The following KCNQ3 variants were observed in gnomAD, a reference collection of about 807,000 sequenced individuals.
KCNQ3 encodes the protein potassium voltage-gated channel subfamily Q member 3, also known as potassium voltage-gated channel subfamily KQT member 3.
KCNQ3 carries 30 observed loss-of-function variants against 92.5 expected under a neutral mutation model. That is an observed-to-expected ratio of 0.32 (90% CI 0.24 to 0.44). KCNQ3 has a LOEUF of 0.44. Ranked by LOEUF, KCNQ3 falls within the 20% of genes least tolerant of loss-of-function variation. The pLI, the probability that KCNQ3 is intolerant of heterozygous loss-of-function variation, is 1.00. For missense variants in KCNQ3, 913 were observed against 1,140.3 expected, an observed-to-expected ratio of 0.80 and a Z score of 2.87; for synonymous variants, 450 against 468.8, an observed-to-expected ratio of 0.96 and a Z score of 0.52.
intron 1 of KCNQ3, among the ~76,000 whole-genome samples, chr8:132,275,043 T>G (rs949583917): frequency 6.6e-6 from 1 of 152,036 alleles, no homozygotes; most frequent in Non-Finnish European, 1.5e-5. Flanking sequence ...AGTGAAAAAG[T>G]GGGAGGGGCG....
intron 1 of KCNQ3, among the ~76,000 whole-genome samples, chr8:132,224,053 C>G (rs1364037522): frequency 2.1e-5 from 3 of 143,464 alleles, no homozygotes; most frequent in Admixed American, 7.1e-5. Flanking sequence ...GTAGCTGAGA[C>G]TACAGACACA....
At chr8:132,230,449 CAGAGAGAGAGAGAGAG>C (rs5895132) in intron 1 of KCNQ3, among the ~76,000 whole-genome samples, 7 of 142,362 alleles carry the variant, frequency 4.9e-5, no homozygotes, top group African/African-American at 7.7e-5. Flanking sequence ...GAGAGAGAGA[CAGAGAGAGAGAGAGAG>C]AGAGAGAGAG....
intron 1 of KCNQ3, among the ~76,000 whole-genome samples, chr8:132,456,499 G>A (rs1346046735): frequency 6.6e-6 from 1 of 151,308 alleles, no homozygotes; most frequent in African/African-American, 2.4e-5. Context: ...TTTGTGTTTA[G>A]GTAATTTATT....
intron 1 of KCNQ3, among the ~76,000 whole-genome samples, chr8:132,388,154 C>CT (rs899204173): frequency 6.6e-6 from 1 of 152,000 alleles, no homozygotes; most frequent in Non-Finnish European, 1.5e-5. Context: ...TGTGATATGA[C>CT]TTTTTTTTCC....
chr8:132,186,009 G>T, intron 2 of KCNQ3, 82 bp downstream of exon 2: 1 of 980,760 alleles, frequency 1.0e-6, no homozygotes, highest in Non-Finnish European at 1.6e-6. Flanking sequence ...AACCAGTCAG[G>T]GAGGAGTGCA....
At chr8:132,332,838 C>A (rs1229962177) in intron 1 of KCNQ3, among the ~76,000 whole-genome samples, 2 of 152,230 alleles carry the variant, frequency 1.3e-5, no homozygotes, top group African/African-American at 4.8e-5. Flanking sequence ...CTGGACACCT[C>A]CCTGGTGCAG....
At chr8:132,463,642 C>G (rs757769626) in intron 1 of KCNQ3, among the ~76,000 whole-genome samples, 8 of 152,164 alleles carry the variant, frequency 5.3e-5, no homozygotes, top group African/African-American at 1.9e-4. Context: ...TCAGGTGACT[C>G]GGGCCAGGCA....
At chr8:132,311,378 T>TA (rs199712986) in intron 1 of KCNQ3, among the ~76,000 whole-genome samples, 1 of 320 alleles carries the variant, frequency 3.1e-3, no homozygotes, top group African/African-American at 0.012. Context: ...AAAGAGATTG[T>TA]CCCGTTTACT....
At chr8:132,337,139 G>T (rs1434546877) in intron 1 of KCNQ3, among the ~76,000 whole-genome samples, 1 of 152,186 alleles carries the variant, frequency 6.6e-6, no homozygotes, top group Non-Finnish European at 1.5e-5. Context: ...AGGAGTGGAT[G>T]CCCCAGAAAC....
At chr8:132,399,305 A>G (rs1201419051) in intron 1 of KCNQ3, among the ~76,000 whole-genome samples, 2 of 152,174 alleles carry the variant, frequency 1.3e-5, no homozygotes, top group Non-Finnish European at 2.9e-5. Context: ...CTTTCAATGC[A>G]TTCGATCATT....
At position 132,125,120 on chromosome 8, in the gene KCNQ3, A is replaced by C. The variant is rs1037242506; in HGVS notation, c.*4142T>G. ...AGCAGGGATTAGGAGACAAGAAGAA[A>C]GCTGGTTTCTCCAACAATCTTCCTC... On this transcript the variant is annotated 3_prime_UTR_variant, in exon 15 of 15. Transcript: ENST00000388996. 1 of 152,212 alleles carries C rather than the reference A, an allele frequency of 6.6e-6. No homozygotes were observed. Among genetic ancestry groups the C allele is most frequent in the Non-Finnish European group, 1.5e-5 (1 of 68,044 alleles). The allele number at this position is 152,212 out of a possible 1,614,324, so 9.4% of individuals were successfully genotyped here. A position where few individuals can be genotyped will look rare whatever the true frequency, so the allele number is the denominator to read the frequency against.
chr8:132,355,304 T>C (rs117472991), intron 1 of KCNQ3, among the ~76,000 whole-genome samples: 2,603 of 152,102 alleles, frequency 0.017, 28 homozygotes, highest in Non-Finnish European at 0.027. Flanking sequence ...TAAGATGCTG[T>C]CCAGGGCCTC....
chr8:132,205,371 G>T (rs1813622696), intron 1 of KCNQ3, among the ~76,000 whole-genome samples: 1 of 152,234 alleles, frequency 6.6e-6, no homozygotes, highest in African/African-American at 2.4e-5. Context: ...TTGCGCTATG[G>T]ATGGTATTTG....
At chr8:132,210,706 T>C (rs1288052235) in intron 1 of KCNQ3, among the ~76,000 whole-genome samples, 3 of 152,182 alleles carry the variant, frequency 2.0e-5, no homozygotes, top group African/African-American at 7.2e-5. Flanking sequence ...TTTTATTTCC[T>C]GTGACTGTAG....
At chr8:132,341,423 C>T (rs1014915959) in intron 1 of KCNQ3, among the ~76,000 whole-genome samples, 1 of 152,202 alleles carries the variant, frequency 6.6e-6, no homozygotes, top group Non-Finnish European at 1.5e-5. Flanking sequence ...CACTTCTGAG[C>T]TCTTCATCTT....
At chr8:132,158,830 A>G (rs1006790577) in intron 9 of KCNQ3, among the ~76,000 whole-genome samples, 1 of 152,218 alleles carries the variant, frequency 6.6e-6, no homozygotes, top group Non-Finnish European at 1.5e-5. Flanking sequence ...TCTTTGATCC[A>G]AAGAATGATT....
chr8:132,172,782 C>T (rs576305267), intron 6 of KCNQ3, 89 bp from the exon 7 acceptor site: 40 of 889,634 alleles, frequency 4.5e-5, no homozygotes, highest in Middle Eastern at 4.9e-4. Context: ...GACTGTAGGG[C>T]TCAATTGCAC....
chr8:132,213,735 T>C (rs1372562867), intron 1 of KCNQ3, among the ~76,000 whole-genome samples: 1 of 152,138 alleles, frequency 6.6e-6, no homozygotes, highest in Non-Finnish European at 1.5e-5. Context: ...CAAGCTCTGG[T>C]TTGAAAACCA....
At chr8:132,152,023 G>A (rs989981083) in intron 9 of KCNQ3, among the ~76,000 whole-genome samples, 4 of 152,162 alleles carry the variant, frequency 2.6e-5, no homozygotes, top group Non-Finnish European at 5.9e-5. Context: ...ATCAAACTTC[G>A]TTGTCAATTG....
Sources: gnomAD v4.1 joint callset for allele counts (sites outside exome capture counted in the v4.1 genomes callset) on GRCh38, gnomAD v4.1.1 for gene constraint, MANE v1.5 for transcripts, NCBI Gene and HGNC (gene_info 2026-07-23, HGNC 2026-07-21) for gene names.